Variants in TMTC2 observed in about 807,000 individuals in gnomAD.
TMTC2 encodes the protein protein O-mannosyl-transferase TMTC2.
Under a neutral mutation model 82.4 loss-of-function variants are expected in TMTC2, and 43 were observed. That is an observed-to-expected ratio of 0.52 (90% CI 0.41 to 0.67). TMTC2 has a LOEUF of 0.67. Among genes scored for constraint, TMTC2 ranks in the 30% least tolerant of loss-of-function variants. TMTC2 has a pLI of 0.00. For synonymous variants in TMTC2, 408 were observed against 381.9 expected (o/e 1.07, Z -0.80); for missense variants, 919 against 1,012.4 (o/e 0.91, Z 1.25).
chr12:82,950,941 A>T (rs983733931), intron 4 of TMTC2, among the ~76,000 whole-genome samples: 3 of 152,248 alleles, frequency 2.0e-5, no homozygotes. Context: ...GTTAGAATTT[A>T]AAAAAAGAAC....
chr12:82,768,615 C>T (rs1877114052), intron 1 of TMTC2, among the ~76,000 whole-genome samples: 1 of 151,956 alleles, frequency 6.6e-6, no homozygotes. Flanking sequence ...TTCGACTCTT[C>T]ATGTCTGTTA....
At chr12:82,883,214 GA>G (rs568505101) in intron 2 of TMTC2, among the ~76,000 whole-genome samples, 26 of 152,182 alleles carry the variant, frequency 1.7e-4, no homozygotes, top group African/African-American at 6.3e-4. Context: ...TTACCTGTGA[GA>G]AACAGTAAAT....
chr12:83,120,473 C>T (rs1408296837), intron 11 of TMTC2, among the ~76,000 whole-genome samples: 1 of 152,184 alleles, frequency 6.6e-6, no homozygotes, highest in East Asian at 1.9e-4. Context: ...GAGGCTAAAG[C>T]TAGGGCCCCA....
rs541037099 is a variant in TMTC2, at chr12:82,873,076, A to G, written c.654+15496A>G. 1.3e-5 allele frequency among the ~76,000 whole-genome samples: 2 copies of G among 152,198 alleles called. 1 individual carries two copies. The highest frequency in any genetic ancestry group is 4.1e-4 in the South Asian group (2 of 4,832). ...TTTATTGAGATGTAATTCACATATC[A>G]TAAAATTGACTCATTTAAAGAATGC... On this transcript the variant is annotated intron_variant, in intron 2 of 11. Coordinates refer to ENST00000321196, the MANE Select transcript of TMTC2 (RefSeq NM_152588.3).
At chr12:82,808,362 G>T (rs1016714340) in intron 1 of TMTC2, among the ~76,000 whole-genome samples, 1 of 151,832 alleles carries the variant, frequency 6.6e-6, no homozygotes, top group African/African-American at 2.4e-5. Context: ...TTTCTTTAGC[G>T]AATATAAGAA....
At chr12:82,718,310 T>C (rs534646189) in intron 1 of TMTC2, among the ~76,000 whole-genome samples, 1 of 152,282 alleles carries the variant, frequency 6.6e-6, no homozygotes, top group African/African-American at 2.4e-5. Context: ...ATTGTGGAAG[T>C]TGCAAAACTA....
intron 1 of TMTC2, among the ~76,000 whole-genome samples, chr12:82,821,915 G>A (rs956096271): frequency 2.0e-5 from 3 of 148,028 alleles, no homozygotes; most frequent in Non-Finnish European, 4.5e-5. Flanking sequence ...AAAGCTAGAT[G>A]TGTCCTCTGC....
At chr12:82,754,651 C>A (rs1876202033) in intron 1 of TMTC2, among the ~76,000 whole-genome samples, 1 of 152,028 alleles carries the variant, frequency 6.6e-6, no homozygotes. Flanking sequence ...GTGGGAGAAT[C>A]GCTTGAACCT....
intron 1 of TMTC2, among the ~76,000 whole-genome samples, chr12:82,790,795 C>G (rs1341614123): frequency 6.6e-6 from 1 of 150,484 alleles, no homozygotes; most frequent in Admixed American, 6.6e-5. Flanking sequence ...CCTTTGCACT[C>G]CAGCCTGGGC....
chr12:82,962,177 C>T (rs1877971048), intron 4 of TMTC2, among the ~76,000 whole-genome samples: 1 of 151,836 alleles, frequency 6.6e-6, no homozygotes, highest in South Asian at 2.1e-4. Flanking sequence ...TGGATAATGA[C>T]AGGAATATAG....
chr12:82,867,929 A>T (rs566027390), intron 2 of TMTC2, among the ~76,000 whole-genome samples: 1 of 152,340 alleles, frequency 6.6e-6, no homozygotes, highest in South Asian at 2.1e-4. Context: ...AGAGATGCTT[A>T]TAAGTCTATC....
At chr12:82,715,919 C>G (rs1873873477) in intron 1 of TMTC2, among the ~76,000 whole-genome samples, 1 of 152,188 alleles carries the variant, frequency 6.6e-6, no homozygotes, top group Non-Finnish European at 1.5e-5. Flanking sequence ...ATAATGACAA[C>G]AGAAGCAATT....
chr12:82,719,147 G>A (rs1234438458), intron 1 of TMTC2, among the ~76,000 whole-genome samples: 1 of 124,676 alleles, frequency 8.0e-6, no homozygotes, highest in South Asian at 2.6e-4. Context: ...AGGCTAGAGT[G>A]CAGAGGCACG....
intron 1 of TMTC2, among the ~76,000 whole-genome samples, chr12:82,696,964 G>GTGTGTATATATATATATATATA (rs374532592): frequency 2.1e-5 from 3 of 141,514 alleles, no homozygotes; most frequent in Non-Finnish European, 4.6e-5. Context: ...ACATACATAC[G>GTGTGTATATATATATATATATA]TATATATATA....
chr12:82,813,660 A>G (rs1025622491), intron 1 of TMTC2, among the ~76,000 whole-genome samples: 1 of 152,088 alleles, frequency 6.6e-6, no homozygotes, highest in Non-Finnish European at 1.5e-5. Flanking sequence ...TGATACTGGC[A>G]TGGGAAATTT....
At chr12:82,987,438 G>GAAA (rs1437900920) in intron 8 of TMTC2, among the ~76,000 whole-genome samples, 2 of 113,544 alleles carry the variant, frequency 1.8e-5, no homozygotes, top group African/African-American at 6.5e-5. Flanking sequence ...AAAAAAAAGA[G>GAAA]AAAAAAAAAA....
chr12:83,113,511 C>G (rs1884660598), intron 11 of TMTC2, among the ~76,000 whole-genome samples: 1 of 152,164 alleles, frequency 6.6e-6, no homozygotes. Context: ...ATGTGAGCAG[C>G]AGAAGTTCTA....
rs1328674116 is a variant in TMTC2, at chr12:83,133,909, C to T, written c.*1520C>T. ...CTGAAAATTACCTGTTTCTCCTTCCCTTTCACACTCCATGTATATATGATC... is the reference window on the plus strand; with the variant it reads ...CTGAAAATTACCTGTTTCTCCTTCCTTTTCACACTCCATGTATATATGATC... On this transcript the variant is annotated 3_prime_UTR_variant, in exon 12 of 12. Coordinates refer to ENST00000321196, the MANE Select transcript of TMTC2 (RefSeq NM_152588.3). 6.6e-6 allele frequency: 1 copy of T among 152,172 alleles called. No homozygotes were observed. Among genetic ancestry groups the T allele is most frequent in the Non-Finnish European group, 1.5e-5 (1 of 68,028 alleles). The allele number at this position is 152,172 out of a possible 1,614,324, so 9.4% of individuals were successfully genotyped here.
intron 8 of TMTC2, among the ~76,000 whole-genome samples, chr12:82,994,510 A>G (rs761472926): frequency 7.9e-5 from 12 of 152,094 alleles, no homozygotes; most frequent in Non-Finnish European, 1.6e-4. Context: ...AATGCAATAT[A>G]AATAGCCAGC....
Sources: gnomAD v4.1 joint callset for allele counts (sites outside exome capture counted in the v4.1 genomes callset) on GRCh38, gnomAD v4.1.1 for gene constraint, MANE v1.5 for transcripts, NCBI Gene and HGNC (gene_info 2026-07-23, HGNC 2026-07-21) for gene names.